Variants in PCDH15 observed in about 807,000 individuals in gnomAD.
PCDH15 encodes the protein protocadherin-15.
A neutral mutation model predicts 178.5 loss-of-function variants in PCDH15; 129 were observed. The ratio of observed to expected loss-of-function variants is 0.72; its 90% confidence interval spans 0.63 to 0.84. The LOEUF is 0.84. Among genes scored for constraint, PCDH15 ranks in the 40% least tolerant of loss-of-function variants. PCDH15 has a pLI of 0.00. For synonymous variants in PCDH15, 800 were observed against 732.0 expected (o/e 1.09, Z -1.50); for missense variants, 2,230 against 2,099.9 (o/e 1.06, Z -1.21).
chr10:55,320,823 G>A (rs114996710), upstream of PCDH15, among the ~76,000 whole-genome samples: 850 of 152,266 alleles, frequency 5.6e-3, 10 homozygotes, highest in African/African-American at 0.02. Context: ...ATCAGCACAC[G>A]AAGATAAGAA....
chr10:55,506,656 G>A (rs1394048621), intron 2 of PCDH15, among the ~76,000 whole-genome samples: 2 of 151,484 alleles, frequency 1.3e-5, no homozygotes, highest in East Asian at 3.9e-4. Flanking sequence ...TTTATTCAAG[G>A]CTATAATTTT....
At chr10:54,624,525 T>A (rs1373431328) in intron 2 of PCDH15, among the ~76,000 whole-genome samples, 1 of 152,256 alleles carries the variant, frequency 6.6e-6, no homozygotes, top group South Asian at 2.1e-4. Flanking sequence ...TCAGCTCTGA[T>A]GAAACAAAAG....
chr10:53,946,840 C>T (rs573163763), intron 23 of PCDH15, among the ~76,000 whole-genome samples: 7 of 152,270 alleles, frequency 4.6e-5, no homozygotes, highest in Middle Eastern at 3.4e-3. Context: ...TGCAGTGGCG[C>T]GATCTCGGCT....
intron 3 of PCDH15, among the ~76,000 whole-genome samples, chr10:54,405,214 G>T (rs1326974906): frequency 6.6e-6 from 1 of 152,046 alleles, no homozygotes; most frequent in African/African-American, 2.4e-5. Flanking sequence ...AATGTTCATT[G>T]TGTCACTATT....
At chr10:53,971,066 G>T (rs2089631189) in intron 21 of PCDH15, among the ~76,000 whole-genome samples, 1 of 152,172 alleles carries the variant, frequency 6.6e-6, no homozygotes, top group African/African-American at 2.4e-5. Context: ...AAATCCAGCA[G>T]CACATCAAGA....
intron 2 of PCDH15, among the ~76,000 whole-genome samples, chr10:54,605,067 T>C (rs1391574499): frequency 6.6e-6 from 1 of 151,898 alleles, no homozygotes; most frequent in Non-Finnish European, 1.5e-5. Context: ...AGATTATTGA[T>C]ATCAGAATTT....
chr10:53,837,938 C>A (rs781398394), intron 29 of PCDH15, among the ~76,000 whole-genome samples: 6 of 149,174 alleles, frequency 4.0e-5, no homozygotes, highest in Non-Finnish European at 5.9e-5. Flanking sequence ...TCTATCTTTT[C>A]TTCAATATAA....
chr10:54,335,892 A>C (rs1042284934), intron 6 of PCDH15, among the ~76,000 whole-genome samples: 2 of 152,164 alleles, frequency 1.3e-5, no homozygotes, highest in Admixed American at 6.5e-5. Flanking sequence ...GAAGGACAGG[A>C]AAAGGTGGGA....
At chr10:55,578,831 C>T (rs569033657) in intron 2 of PCDH15, among the ~76,000 whole-genome samples, 1 of 152,052 alleles carries the variant, frequency 6.6e-6, no homozygotes, top group Non-Finnish European at 1.5e-5. Flanking sequence ...ATTTATAAAA[C>T]CATCAGATCT....
intron 8 of PCDH15, among the ~76,000 whole-genome samples, chr10:54,311,247 A>C (rs1216460030): frequency 6.6e-6 from 1 of 152,080 alleles, no homozygotes; most frequent in Non-Finnish European, 1.5e-5. Context: ...AATTAAAGGA[A>C]GGTATACACA....
chr10:55,100,708 T>A lies in PCDH15; in HGVS notation c.-80+65868A>T, dbSNP rs548840967. Among the ~76,000 whole-genome samples the A allele has an allele frequency of 2.0e-5, 3 of 152,172 alleles. No individual in the cohort carries two copies. In the South Asian group the frequency reaches 6.2e-4, roughly 32 times the overall value. ...GAAATCATGCATCCCCACTACTGCC[T>A]TACAGAGAAGGCATAAATCTATTCA... On this transcript the variant is annotated intron_variant, in intron 2 of 5. Coordinates refer to the PCDH15 transcript ENST00000458638.
chr10:55,226,865 A>G (rs1286339876), intron 1 of PCDH15, among the ~76,000 whole-genome samples: 1 of 152,056 alleles, frequency 6.6e-6, no homozygotes, highest in African/African-American at 2.4e-5. Flanking sequence ...TAAGTCAATA[A>G]AACAGAAATA....
chr10:55,414,002 T>G (rs1403877564), intron 2 of PCDH15, among the ~76,000 whole-genome samples: 1 of 151,440 alleles, frequency 6.6e-6, no homozygotes, highest in African/African-American at 2.4e-5. Context: ...TAAGATAATA[T>G]TATAACAGTT....
At chr10:55,076,833 G>A (rs1388457751) in intron 2 of PCDH15, among the ~76,000 whole-genome samples, 3 of 145,832 alleles carry the variant, frequency 2.1e-5, no homozygotes, top group Admixed American at 7.0e-5. Context: ...GCAATGGGGC[G>A]ATCTGGCTCA....
At chr10:54,983,463 C>T (rs1377299082) in intron 2 of PCDH15, among the ~76,000 whole-genome samples, 3 of 152,032 alleles carry the variant, frequency 2.0e-5, no homozygotes, top group Admixed American at 1.3e-4. Context: ...CAATTTTGTA[C>T]TACATAAGAC....
At chr10:54,643,100 C>T (rs1590779153) in intron 2 of PCDH15, among the ~76,000 whole-genome samples, 1 of 151,856 alleles carries the variant, frequency 6.6e-6, no homozygotes, top group South Asian at 2.1e-4. Context: ...TTTTTTTGTA[C>T]TTTTAGTAGA....
intron 2 of PCDH15, among the ~76,000 whole-genome samples, chr10:54,928,126 G>T (rs1241028837): frequency 6.6e-6 from 1 of 152,092 alleles, no homozygotes; most frequent in Non-Finnish European, 1.5e-5. Context: ...TGTAAGGCAG[G>T]TCTGGTGGTA....
chr10:53,917,980 A>G (rs1203343183), intron 25 of PCDH15, among the ~76,000 whole-genome samples: 2 of 152,084 alleles, frequency 1.3e-5, no homozygotes, highest in Non-Finnish European at 1.5e-5. Context: ...CCATGATTGG[A>G]AGCTTCCTGA....
chr10:55,409,546 C>T (rs1010391502), intron 2 of PCDH15, among the ~76,000 whole-genome samples: 1 of 152,072 alleles, frequency 6.6e-6, no homozygotes, highest in Non-Finnish European at 1.5e-5. Context: ...ACACGCCAGC[C>T]AAAATTACCT....
Sources: allele counts gnomAD v4.1 joint callset (sites outside exome capture counted in the v4.1 genomes callset), GRCh38; gene constraint gnomAD v4.1.1; transcripts MANE v1.5; gene names NCBI Gene and HGNC (gene_info 2026-07-23, HGNC 2026-07-21).